The following ANKRD42 variants were observed in gnomAD, a reference collection of about 807,000 sequenced individuals.
The protein encoded by ANKRD42 is ankyrin repeat domain 42, also known as ankyrin repeat domain-containing protein 42.
A neutral mutation model predicts 51.5 loss-of-function variants in ANKRD42; 43 were observed. The ratio of observed to expected loss-of-function variants is 0.83; its 90% CI spans 0.65 to 1.08. The LOEUF (loss-of-function observed/expected upper bound fraction) is 1.08. Ranked by LOEUF, ANKRD42 falls within the 50% of genes least tolerant of loss-of-function variation. The pLI, the probability that ANKRD42 is intolerant of heterozygous loss-of-function variation, is 0.00. For missense variants in ANKRD42, 608 were observed against 629.3 expected (o/e 0.97, Z 0.36); for synonymous variants, 203 against 213.0 (o/e 0.95, Z 0.41).
chr11:83,210,481 G>A (rs1862272150), intron 4 of ANKRD42, 62 bp downstream of exon 4: 6 of 1,570,848 alleles, frequency 3.8e-6, no homozygotes, highest in Admixed American at 1.7e-5. Context: ...GCATTTGGTA[G>A]TCTAGTTATC....
At position 83,248,025 on chromosome 11, in the gene ANKRD42, G is replaced by A. The variant is rs1863594933; in HGVS notation, c.1405G>A (p.Ala469Thr). The A allele has an allele frequency of 1.2e-6, 2 of 1,610,586 alleles. No homozygotes were observed. Among genetic ancestry groups the A allele is most frequent in the African/African-American group, 2.7e-5 (2 of 74,918 alleles). The change falls in exon 11 of 11, where the codon GCA becomes ACA. Residue 469 changes from alanine to threonine, a missense_variant. Ala to Thr is a moderately conservative substitution (Grantham distance 58). Transcript: ENST00000533342. The stretch of plus-strand genomic sequence containing the variant: ...AGAATGTCAGCTTGATGAATATCGA[G>A]CAGAAGTTGATCAACTCAGGGAAAC... ...KLECQLDEYRAEVDQLRETLE... is the reference protein window; with the variant it reads ...KLECQLDEYRTEVDQLRETLE...
intron 5 of ANKRD42, among the ~76,000 whole-genome samples, chr11:83,218,833 C>G (rs150638048): frequency 6.6e-6 from 1 of 152,058 alleles, no homozygotes; most frequent in Admixed American, 6.5e-5. Context: ...AGTATTGTCA[C>G]GAAGGGCAAA....
At chr11:83,200,167 C>T (rs189483227) in intron 2 of ANKRD42, among the ~76,000 whole-genome samples, 1 of 152,044 alleles carries the variant, frequency 6.6e-6, no homozygotes, top group Non-Finnish European at 1.5e-5. Context: ...TCAGGATATA[C>T]CATTTATTTC....
At chr11:83,206,370 A>G (rs74505130) in intron 3 of ANKRD42, among the ~76,000 whole-genome samples, 3,200 of 152,158 alleles carry the variant, frequency 0.021, 119 homozygotes, top group African/African-American at 0.07. Context: ...TCTCTGATGT[A>G]GTTGGCTGTC....
intron 7 of ANKRD42, among the ~76,000 whole-genome samples, chr11:83,234,471 T>G (rs1353988029): frequency 6.6e-6 from 1 of 152,212 alleles, no homozygotes; most frequent in Non-Finnish European, 1.5e-5. Context: ...TATATAATTT[T>G]TCTTGTTCCT....
In ANKRD42 at chr11:83,206,080, A is replaced by G. The variant is rs528240829; in HGVS notation, c.245A>G (p.His82Arg). Residue 82 changes from histidine (H) to arginine (R), a missense_variant, in exon 3 of 11, where the codon CAT (histidine) becomes CGT (arginine). Coordinates refer to ENST00000533342, the MANE Select transcript of ANKRD42 (RefSeq NM_001300975.2). Reference sequence around the variant, plus strand: ...TAGTGTCTTCATTGGCTGCTCTGGCATGGAGCTGATATCACACACGTAACA... The same window carrying G: ...TAGTGTCTTCATTGGCTGCTCTGGCGTGGAGCTGATATCACACACGTAACA... ...SLECLHWLLWHGADITHVTTR... is the reference protein window; with the variant it reads ...SLECLHWLLWRGADITHVTTR... 6.2e-6 allele frequency: 10 copies of G among 1,614,010 alleles called. No individual in the cohort carries two copies. In the African/African-American group the frequency reaches 9.3e-5, roughly 15 times the overall value.
chr11:83,217,623 C>T (rs1249104573), intron 5 of ANKRD42, among the ~76,000 whole-genome samples: 3 of 152,342 alleles, frequency 2.0e-5, no homozygotes, highest in East Asian at 1.9e-4. Flanking sequence ...TGAGCTGGCA[C>T]TTGCCCTGGC....
intron 9 of ANKRD42, among the ~76,000 whole-genome samples, chr11:83,244,901 C>T (rs1157351743): frequency 6.6e-6 from 1 of 152,080 alleles, no homozygotes; most frequent in African/African-American, 2.4e-5. Context: ...AGTCCTAAAA[C>T]ACTGCTAGTC....
intron 2 of ANKRD42, among the ~76,000 whole-genome samples, chr11:83,204,472 G>T (rs1461222930): frequency 6.6e-6 from 1 of 152,116 alleles, no homozygotes; most frequent in African/African-American, 2.4e-5. Flanking sequence ...AGACACTGGG[G>T]ATTCCAAAAG....
At chr11:83,261,751 A>G (rs1442330383), downstream of ANKRD42, 18 of 549,754 alleles carry the variant, frequency 3.3e-5, no homozygotes, top group Non-Finnish European at 5.8e-5. Flanking sequence ...ATAAAGACAC[A>G]GTATCTCTTC....
chr11:83,239,649 T>C (rs1433066284), intron 8 of ANKRD42, among the ~76,000 whole-genome samples: 1 of 107,284 alleles, frequency 9.3e-6, no homozygotes, highest in Non-Finnish European at 1.9e-5. Context: ...AGACTATCCT[T>C]TCTCCACTGC....
intron 6 of ANKRD42, among the ~76,000 whole-genome samples, chr11:83,225,306 C>A (rs901618287): frequency 6.6e-6 from 1 of 151,970 alleles, no homozygotes; most frequent in African/African-American, 2.4e-5. Flanking sequence ...GTGGCACATG[C>A]CGGTAATCCC....
At position 83,194,368 on chromosome 11, in the gene ANKRD42, G is replaced by T. The variant is rs1343962274; in HGVS notation, c.-303G>T. 1.6e-6 allele frequency: 1 copy of T among 613,038 alleles called. No homozygotes were observed. The highest frequency in any genetic ancestry group is 1.5e-5 in the South Asian group (1 of 65,960). 38.0% of individuals were successfully genotyped at this position (613,038 alleles called of 1,614,324 possible). ...AGGGAGTGTCGAAGGCGGCCACAGC[G>T]TTGGTAGTTCTTGGGAGGAAGTAAG... is the stretch of plus-strand genomic sequence containing the variant. On this transcript the variant is annotated 5_prime_UTR_variant, in exon 1 of 11. Transcript: ENST00000533342.
At chr11:83,208,659 A>G (rs17144829) in intron 3 of ANKRD42, among the ~76,000 whole-genome samples, 2,239 of 152,264 alleles carry the variant, frequency 0.015, 63 homozygotes, top group African/African-American at 0.051. Flanking sequence ...TGAAAATTCA[A>G]ATTTTGAGTC....
chr11:83,221,132 C>T (rs1862706928), intron 5 of ANKRD42, among the ~76,000 whole-genome samples: 1 of 151,758 alleles, frequency 6.6e-6, no homozygotes, highest in Admixed American at 6.6e-5. Flanking sequence ...TTTTTGAGCT[C>T]ACTGATTCTT....
At position 83,248,712 on chromosome 11, in the gene ANKRD42, A is replaced by C. The variant is rs987379383; in HGVS notation, c.*508A>C. On this transcript the variant is annotated 3_prime_UTR_variant, in exon 11 of 11. Coordinates refer to ENST00000533342, the MANE Select transcript of ANKRD42 (RefSeq NM_001300975.2). ...TTGGTCTCTTTAATAACCACTTTAA[A>C]AATATTAAAATAATAAAACATGTTT... 15 of 974,400 alleles carry C rather than the reference A, an allele frequency of 1.5e-5. No homozygotes were observed. The African/African-American group carries it at 2.6e-4, about 17-fold the overall frequency. The allele number at this position is 974,400 out of a possible 1,614,324, so 60.4% of individuals were successfully genotyped here. A position where few individuals can be genotyped will look rare whatever the true frequency, so the allele number is the denominator to read the frequency against.
Position 83,211,301 on chromosome 11 carries a change from A to C in ANKRD42, c.457A>C (p.Ser153Arg). 1.9e-6 allele frequency: 3 copies of C among 1,614,202 alleles called. No individual in the cohort carries two copies. ...QIMLRSGVDP[S>R]VTDKREWRPV... ...TTGTGAATGTTACCTCTAGGATCCC[A>C]GTGTGACTGATAAGAGAGAATGGAG... Residue 153 changes from serine (S) to arginine (R), a missense_variant, in exon 5 of 11, where the codon AGT becomes CGT. Physicochemically the swap from Ser to Arg is moderately radical, Grantham distance 110. Coordinates refer to ENST00000533342, the MANE Select transcript of ANKRD42 (RefSeq NM_001300975.2).
chr11:83,197,589 T>C (rs1270929191), intron 1 of ANKRD42, among the ~76,000 whole-genome samples: 3 of 152,164 alleles, frequency 2.0e-5, no homozygotes, highest in African/African-American at 7.2e-5. Context: ...TGGTGAGCTG[T>C]TTTCAAAACA....
rs1266433490 is a variant in ANKRD42, at chr11:83,248,039, A to G, written c.1419A>G (p.Gln473=). The G allele has an allele frequency of 6.2e-7, 1 of 1,605,800 alleles. No homozygotes were observed. Among genetic ancestry groups the G allele is most frequent in the South Asian group, 1.1e-5 (1 of 89,698 alleles). Residue 473 remains glutamine, a synonymous_variant, in exon 11 of 11, where the codon CAA becomes CAG. Coordinates refer to ENST00000533342, the MANE Select transcript of ANKRD42 (RefSeq NM_001300975.2). The stretch of plus-strand genomic sequence containing the variant: ...ATGAATATCGAGCAGAAGTTGATCA[A>G]CTCAGGGAAACACTGGAAAAAATTC... ...QLDEYRAEVD[Q]LRETLEKIQV...
Sources: allele counts gnomAD v4.1 joint callset (sites outside exome capture counted in the v4.1 genomes callset), GRCh38; gene constraint gnomAD v4.1.1; transcripts MANE v1.5; gene names NCBI Gene and HGNC (gene_info 2026-07-23, HGNC 2026-07-21).